Variants in CACNG2 observed in about 807,000 individuals in gnomAD.
CACNG2 encodes voltage-dependent calcium channel gamma-2 subunit.
In CACNG2, 3 loss-of-function variants were observed where a neutral mutation model predicts 25.9. That is an observed-to-expected ratio of 0.12 (90% confidence interval 0.05 to 0.30). CACNG2 has a LOEUF of 0.30. CACNG2 is among the 10% of genes least tolerant of loss of function. The pLI is 1.00. For missense variants in CACNG2, 341 were observed against 432.5 expected (o/e 0.79, Z 1.88); for synonymous variants, 167 against 173.3 (o/e 0.96, Z 0.29).
chr22:36,598,510 C>T (rs905125251), intron 1 of CACNG2, among the ~76,000 whole-genome samples: 18 of 151,252 alleles, frequency 1.2e-4, no homozygotes, highest in Admixed American at 8.6e-4. Context: ...CCCAGCTACT[C>T]GGGAGGCTGA....
At chr22:36,669,916 T>A (rs540497068) in intron 1 of CACNG2, among the ~76,000 whole-genome samples, 29 of 152,284 alleles carry the variant, frequency 1.9e-4, no homozygotes, top group African/African-American at 7.0e-4. Context: ...TTTTGCCATG[T>A]TGGCCAGGCT....
At chr22:36,666,845 T>G (rs1421917211) in intron 1 of CACNG2, among the ~76,000 whole-genome samples, 3 of 152,088 alleles carry the variant, frequency 2.0e-5, no homozygotes, top group African/African-American at 7.2e-5. Context: ...GCCACCTCTC[T>G]CCATCCTGTC....
chr22:36,670,410 G>T (rs3888741), intron 1 of CACNG2, among the ~76,000 whole-genome samples: 48,232 of 151,988 alleles, frequency 0.32, 7,909 homozygotes, highest in Middle Eastern at 0.42. Flanking sequence ...GGCTTGTTTG[G>T]AAGGGTCTAT....
chr22:36,608,457 TTC>T (rs199664636), intron 1 of CACNG2, among the ~76,000 whole-genome samples: 7 of 152,164 alleles, frequency 4.6e-5, no homozygotes, highest in Admixed American at 4.6e-4. Flanking sequence ...ATACTTTCTG[TTC>T]TCTCTCTCTC....
rs145869666 is a variant in CACNG2 at position 36,636,687 on chromosome 22, T to A, written c.212-49139A>T. ...TGGAACTTCTCGTTTATTTAACAAG[T>A]CTCAGAAATCTGAGTGTCAGGAAAG... On this transcript the variant is annotated intron_variant, in intron 1 of 3. Coordinates refer to ENST00000300105, the MANE Select transcript of CACNG2 (RefSeq NM_006078.5). Among the ~76,000 whole-genome samples the A allele has an allele frequency of 3.7e-4, 56 of 152,202 alleles. 1 individual carries two copies. The East Asian group carries it at 0.011, about 29-fold the overall frequency.
At chr22:36,646,510 T>C (rs1464462664) in intron 1 of CACNG2, among the ~76,000 whole-genome samples, 1 of 152,204 alleles carries the variant, frequency 6.6e-6, no homozygotes, top group African/African-American at 2.4e-5. Flanking sequence ...TTACATTTGT[T>C]TTTTAAAATC....
chr22:36,694,680 ATTC>A (rs1171255527), intron 1 of CACNG2, among the ~76,000 whole-genome samples: 2 of 152,156 alleles, frequency 1.3e-5, no homozygotes, highest in Non-Finnish European at 2.9e-5. Flanking sequence ...CAAGATTCTT[ATTC>A]TTTAGGGTCC....
Position 36,702,802 on chromosome 22 carries a change from C to A in CACNG2, c.-226G>T. 1 of 441,860 alleles carries A rather than the reference C, an allele frequency of 2.3e-6. No individual in the cohort carries two copies. The highest frequency in any genetic ancestry group is 4.0e-6 in the Non-Finnish European group (1 of 252,140). The allele number at this position is 441,860 out of a possible 1,614,324, so 27.4% of individuals were successfully genotyped here. A position where few individuals can be genotyped will look rare whatever the true frequency, so the allele number is the denominator to read the frequency against. On this transcript the variant is annotated 5_prime_UTR_variant, in exon 1 of 4. Coordinates refer to ENST00000300105, the MANE Select transcript of CACNG2 (RefSeq NM_006078.5). ...TAAAGATCACACGGGAAGAGGCTTG[C>A]CTTTTGAGATCAGAAACTGTTCCAG... is the stretch of plus-strand genomic sequence containing the variant.
chr22:36,572,072 A>G (rs984448276), intron 2 of CACNG2, among the ~76,000 whole-genome samples: 1 of 152,168 alleles, frequency 6.6e-6, no homozygotes, highest in African/African-American at 2.4e-5. Context: ...GCCAAAATCT[A>G]TCACAAGAGT....
chr22:36,686,932 T>A (rs1569052932), intron 1 of CACNG2, among the ~76,000 whole-genome samples: 1 of 152,236 alleles, frequency 6.6e-6, no homozygotes, highest in Non-Finnish European at 1.5e-5. Flanking sequence ...ATAAAGGTTA[T>A]CTTTTCCAGA....
intron 1 of CACNG2, among the ~76,000 whole-genome samples, chr22:36,667,812 T>A (rs1299925485): frequency 1.3e-5 from 2 of 152,228 alleles, no homozygotes; most frequent in East Asian, 3.8e-4. Flanking sequence ...CTGACAGAGC[T>A]ATGCTAATCA....
At chr22:36,645,488 G>T (rs1287965855) in intron 1 of CACNG2, among the ~76,000 whole-genome samples, 1 of 145,814 alleles carries the variant, frequency 6.9e-6, no homozygotes, top group Non-Finnish European at 1.5e-5. Flanking sequence ...AGTGAGCTGA[G>T]ATCGCGCCAC....
intron 1 of CACNG2, among the ~76,000 whole-genome samples, chr22:36,603,668 T>C (rs1184082327): frequency 1.3e-5 from 2 of 152,208 alleles, no homozygotes; most frequent in African/African-American, 2.4e-5. Context: ...GTATGCTAAA[T>C]CTACTCTACC....
chr22:36,596,380 T>C (rs951997550), intron 1 of CACNG2, among the ~76,000 whole-genome samples: 1 of 152,170 alleles, frequency 6.6e-6, no homozygotes, highest in Non-Finnish European at 1.5e-5. Flanking sequence ...CCAGCTTGGG[T>C]TGGATGGTTT....
At chr22:36,654,957 TA>T (rs1430082046) in intron 1 of CACNG2, among the ~76,000 whole-genome samples, 2 of 151,316 alleles carry the variant, frequency 1.3e-5, no homozygotes, top group African/African-American at 2.4e-5. Context: ...AGAGAGGCAT[TA>T]AAAAAAAGGG....
chr22:36,655,964 C>T (rs5995324), intron 1 of CACNG2, among the ~76,000 whole-genome samples: 12,321 of 151,910 alleles, frequency 0.081, 1,632 homozygotes, highest in African/African-American at 0.28. Flanking sequence ...TGTGCCACCA[C>T]GCCCAGTTAA....
rs56118733 is a variant in CACNG2, at chr22:36,600,450, C to CAA, written c.212-12904_212-12903dup. ...ATTTTAGGTAAATAAACCAAAAAAA[C>CAA]AAAAAAAAAAATGCGGGAAACTTTA... On this transcript the variant is annotated intron_variant, in intron 1 of 3. Transcript: ENST00000300105. 1.1e-3 allele frequency among the ~76,000 whole-genome samples: 160 copies of CAA among 147,444 alleles called. 2 individuals carry two copies. The highest frequency in any genetic ancestry group is 3.7e-3 in the African/African-American group (145 of 39,122).
Position 36,564,082 on chromosome 22 carries a change from T to G in CACNG2, c.*269A>C. On this transcript the variant is annotated 3_prime_UTR_variant, in exon 4 of 4. Transcript: ENST00000300105. The surrounding 1 kb of genome is among the most constrained non-coding windows in gnomAD (Gnocchi z 6.7). ...CCTCTCGCTTTTTTTTAAAGTTTGT[T>G]TTCTTCCCTCGTTTATATTTTCCCA... The G allele has an allele frequency of 3.1e-6, 1 of 326,954 alleles. No individual in the cohort carries two copies. 20.3% of individuals were successfully genotyped at this position (326,954 alleles called of 1,614,324 possible).
intron 1 of CACNG2, among the ~76,000 whole-genome samples, chr22:36,663,765 G>A (rs1381413247): frequency 2.6e-5 from 4 of 152,260 alleles, no homozygotes; most frequent in South Asian, 2.1e-4. Flanking sequence ...ATGGGGACCC[G>A]CTGTGTCCTG....
Sources: gnomAD v4.1 joint callset for allele counts (sites outside exome capture counted in the v4.1 genomes callset) on GRCh38, gnomAD v4.1.1 for gene constraint, Gnocchi (gnomAD v3.1) non-coding constraint, MANE v1.5 for transcripts, NCBI Gene and HGNC (gene_info 2026-07-23, HGNC 2026-07-21) for gene names.